TTLL11: variants seen among roughly 807,000 people sequenced by gnomAD.
The protein encoded by TTLL11 is tubulin polyglutamylase TTLL11.
Under a neutral mutation model 51.7 loss-of-function variants are expected in TTLL11, and 42 were observed. The ratio of observed to expected loss-of-function variants is 0.81; its 90% CI spans 0.64 to 1.05. The LOEUF is 1.05. Among genes scored for constraint, TTLL11 ranks in the 50% least tolerant of loss-of-function variants. The pLI is 0.00. For missense variants in TTLL11, 799 were observed against 940.4 expected, an observed-to-expected ratio of 0.85 and a Z score of 1.97; for synonymous variants, 381 against 383.5, an observed-to-expected ratio of 0.99 and a Z score of 0.08.
chr9:121,979,743 T>C (rs527843722), intron 4 of TTLL11, among the ~76,000 whole-genome samples: 9 of 152,158 alleles, frequency 5.9e-5, no homozygotes, highest in African/African-American at 1.9e-4. Flanking sequence ...CTATTAACAA[T>C]CCTTTGCCCA....
chr9:121,899,365 G>GTGTATATATATACATATATATATATA (rs1226221957), intron 6 of TTLL11, among the ~76,000 whole-genome samples: 2 of 113,242 alleles, frequency 1.8e-5, no homozygotes, highest in Non-Finnish European at 3.6e-5. Context: ...ATGTGTGTGT[G>GTGTATATATATACATATATATATATA]TATATATATA....
intron 6 of TTLL11, among the ~76,000 whole-genome samples, chr9:121,893,885 C>T (rs1030951823): frequency 2.0e-5 from 3 of 152,212 alleles, no homozygotes; most frequent in Non-Finnish European, 2.9e-5. Context: ...GCACAATGAA[C>T]TATTCTTTGC....
At chr9:121,917,542 G>A (rs190167410) in intron 6 of TTLL11, among the ~76,000 whole-genome samples, 7,838 of 131,588 alleles carry the variant, frequency 0.06, 721 homozygotes, top group African/African-American at 0.2. Context: ...AGGAAGGAAG[G>A]AAGAAAAAGA....
At chr9:122,025,043 A>G (rs916962821) in intron 3 of TTLL11, among the ~76,000 whole-genome samples, 1 of 152,178 alleles carries the variant, frequency 6.6e-6, no homozygotes, top group Non-Finnish European at 1.5e-5. Flanking sequence ...AAATTAAAAA[A>G]TAAAAAAAGG....
intron 6 of TTLL11, among the ~76,000 whole-genome samples, chr9:121,949,762 A>T (rs559305275): frequency 2.6e-4 from 39 of 152,178 alleles, no homozygotes; most frequent in African/African-American, 8.7e-4. Context: ...AATATTCATT[A>T]AAAAATCTGC....
intron 1 of TTLL11, among the ~76,000 whole-genome samples, chr9:122,074,187 T>C: frequency 6.6e-6 from 1 of 151,576 alleles, no homozygotes; most frequent in East Asian, 1.9e-4. Flanking sequence ...GGCAGGAGAA[T>C]TGCTTGAACC....
intron 3 of TTLL11, among the ~76,000 whole-genome samples, chr9:122,015,673 C>T (rs1473863890): frequency 6.6e-6 from 1 of 152,068 alleles, no homozygotes; most frequent in African/African-American, 2.4e-5. Flanking sequence ...CTGGCGCTCC[C>T]ACCGGACGGC....
intron 3 of TTLL11, among the ~76,000 whole-genome samples, chr9:122,008,231 C>A (rs1252589084): frequency 6.6e-6 from 1 of 152,140 alleles, no homozygotes; most frequent in African/African-American, 2.4e-5. Flanking sequence ...CCTTCTTTTG[C>A]TATACATTAT....
intron 1 of TTLL11, among the ~76,000 whole-genome samples, chr9:122,053,754 C>G (rs140122484): frequency 4.5e-4 from 68 of 152,276 alleles, no homozygotes; most frequent in Non-Finnish European, 7.5e-4. Flanking sequence ...ACTGCTCTGA[C>G]AGTTCACACA....
chr9:121,908,485 C>T (rs1323267715), intron 6 of TTLL11, among the ~76,000 whole-genome samples: 1 of 152,230 alleles, frequency 6.6e-6, no homozygotes, highest in East Asian at 1.9e-4. Flanking sequence ...GTGAAAGATC[C>T]TGCCACGAGC....
At position 122,012,678 on chromosome 9, in the gene TTLL11, GCACA is replaced by G. The variant is rs375690929; in HGVS notation, c.693+19041_693+19044del. 2.6e-3 allele frequency among the ~76,000 whole-genome samples: 373 copies of G among 142,598 alleles called. 5 individuals carry two copies. In the East Asian group the frequency reaches 0.055, roughly 21 times the overall value. 93.5% of individuals were successfully genotyped at this position (142,598 alleles called of 152,430 possible). ...AAAATACACATACACACACACACAC[GCACA>G]CACACACACACACACACACACCAAG... On this transcript the variant is annotated intron_variant, in intron 3 of 8. Coordinates refer to ENST00000321582, the MANE Select transcript of TTLL11 (RefSeq NM_001139442.2).
intron 1 of TTLL11, among the ~76,000 whole-genome samples, chr9:122,068,106 A>G (rs1169177784): frequency 2.6e-5 from 4 of 152,228 alleles, no homozygotes; most frequent in Non-Finnish European, 5.9e-5. Flanking sequence ...TAAGTAAATG[A>G]TGGTACATTT....
chr9:121,994,126 C>G (rs16911215), intron 3 of TTLL11, among the ~76,000 whole-genome samples: 5,257 of 152,234 alleles, frequency 0.035, 312 homozygotes, highest in African/African-American at 0.12. Flanking sequence ...GTGAGGTCAC[C>G]TAGGGCCAGA....
intron 6 of TTLL11, among the ~76,000 whole-genome samples, chr9:121,927,273 CT>C (rs1375080698): frequency 1.3e-5 from 2 of 152,254 alleles, no homozygotes; most frequent in East Asian, 3.8e-4. Context: ...AGCACAGCAT[CT>C]GACACATAGC....
At chr9:121,954,359 C>A (rs983364049) in intron 6 of TTLL11, among the ~76,000 whole-genome samples, 6 of 152,128 alleles carry the variant, frequency 3.9e-5, no homozygotes, top group African/African-American at 1.4e-4. Flanking sequence ...GGAGACAAGC[C>A]CCACTCTGTC....
At chr9:121,830,940 T>G (rs2119122641) in intron 8 of TTLL11, among the ~76,000 whole-genome samples, 1 of 152,264 alleles carries the variant, frequency 6.6e-6, no homozygotes, top group African/African-American at 2.4e-5. Context: ...AACAAAGAGA[T>G]CCATTCAGGG....
rs1014723100 is a variant in TTLL11 at position 121,964,096 on chromosome 9, T to C, written c.1481+9913A>G. Among the ~76,000 whole-genome samples, 18 of 151,870 alleles carry C rather than the reference T, an allele frequency of 1.2e-4. 1 individual carries two copies. Among genetic ancestry groups the C allele is most frequent in the Admixed American group, 1.1e-3 (17 of 15,252 alleles). ...CAAAATCACAGATACCTTTCAAGAC[T>C]TCATGCATTCCAGATAGAAAAACAA... On this transcript the variant is annotated intron_variant, in intron 6 of 8. Transcript: ENST00000321582.
At chr9:122,091,337 C>G (rs1258963313) in intron 1 of TTLL11, among the ~76,000 whole-genome samples, 1 of 152,206 alleles carries the variant, frequency 6.6e-6, no homozygotes, top group African/African-American at 2.4e-5. Flanking sequence ...GGACCTGGGG[C>G]CCTGCCTAGA....
intron 1 of TTLL11, among the ~76,000 whole-genome samples, chr9:122,069,259 TGGGAGACTC>T (rs1845669465): frequency 6.6e-6 from 1 of 152,150 alleles, no homozygotes; most frequent in Non-Finnish European, 1.5e-5. Flanking sequence ...ACCTGTGCAG[TGGGAGACTC>T]CCCGAGTACT....
Sources: allele counts gnomAD v4.1 joint callset (sites outside exome capture counted in the v4.1 genomes callset), GRCh38; gene constraint gnomAD v4.1.1; transcripts MANE v1.5; gene names NCBI Gene and HGNC (gene_info 2026-07-23, HGNC 2026-07-21).